Variants in ARHGAP8 observed in about 807,000 individuals in gnomAD.
The protein encoded by ARHGAP8 is Rho GTPase activating protein 8, also known as rho GTPase-activating protein 8.
ARHGAP8 carries 62 observed loss-of-function variants against 46.1 expected under a neutral mutation model. The ratio of observed to expected loss-of-function variants is 1.34; its 90% confidence interval spans 1.10 to 1.66. The LOEUF is 1.66. ARHGAP8 is among the 40% of genes most tolerant of loss of function. ARHGAP8 has a pLI of 0.00. For synonymous variants in ARHGAP8, 375 were observed against 243.1 expected (o/e 1.54, Z -5.05); for missense variants, 923 against 568.4 (o/e 1.62, Z -6.34).
chr22:44,805,844 C>T (rs1928884793), intron 3 of ARHGAP8, among the ~76,000 whole-genome samples: 1 of 152,232 alleles, frequency 6.6e-6, no homozygotes, highest in African/African-American at 2.4e-5. Flanking sequence ...TGGCCAGATG[C>T]ATGCTCCTAT....
chr22:44,796,586 C>T (rs35954352), intron 2 of ARHGAP8, among the ~76,000 whole-genome samples: 40,933 of 151,668 alleles, frequency 0.27, 6,453 homozygotes, highest in African/African-American at 0.44. Context: ...TCAATGGGGG[C>T]CCTGGATTTC....
At chr22:44,784,202 G>A (rs1295124568) in intron 1 of ARHGAP8, among the ~76,000 whole-genome samples, 1 of 152,096 alleles carries the variant, frequency 6.6e-6, no homozygotes, top group African/African-American at 2.4e-5. Flanking sequence ...CCAGGGGTTC[G>A]AGACCAGTCT....
At chr22:44,811,500 C>G (rs563111290) in intron 4 of ARHGAP8, among the ~76,000 whole-genome samples, 14 of 152,310 alleles carry the variant, frequency 9.2e-5, no homozygotes, top group African/African-American at 3.4e-4. Context: ...CAGCCGTGGC[C>G]TTCAAGGCAT....
intron 4 of ARHGAP8, among the ~76,000 whole-genome samples, chr22:44,811,590 C>T (rs1039550023): frequency 3.9e-5 from 6 of 152,130 alleles, no homozygotes; most frequent in East Asian, 1.9e-4. Flanking sequence ...TTAGGGTTAG[C>T]GTTACAGATC....
chr22:44,760,545 A>G (rs375767840), intron 1 of ARHGAP8, among the ~76,000 whole-genome samples: 10 of 152,198 alleles, frequency 6.6e-5, no homozygotes, highest in East Asian at 3.8e-4. Flanking sequence ...GCATTGTGCA[A>G]ATACCACAGC....
At chr22:44,790,177 C>A (rs9614934) in intron 2 of ARHGAP8, among the ~76,000 whole-genome samples, 17,321 of 152,020 alleles carry the variant, frequency 0.11, 1,228 homozygotes, top group African/African-American at 0.2. Context: ...ACGGCAGCTA[C>A]TGGAGTCAGG....
At chr22:44,787,376 C>G (rs1202284725) in intron 2 of ARHGAP8, among the ~76,000 whole-genome samples, 1 of 151,330 alleles carries the variant, frequency 6.6e-6, no homozygotes, top group Non-Finnish European at 1.5e-5. Flanking sequence ...GACAGGGTTT[C>G]GCTCTGTCGC....
intron 4 of ARHGAP8, among the ~76,000 whole-genome samples, chr22:44,812,974 C>G (rs2043332112): frequency 6.6e-6 from 1 of 152,096 alleles, no homozygotes; most frequent in Admixed American, 6.6e-5. Flanking sequence ...GTTTTAAGGA[C>G]TCCCAGGTCC....
At chr22:44,856,310 T>G (rs1011258724) in intron 10 of ARHGAP8, among the ~76,000 whole-genome samples, 18 of 130,704 alleles carry the variant, frequency 1.4e-4, no homozygotes, top group African/African-American at 5.1e-4. Context: ...CTCACTCTGT[T>G]GCCCAGGCCA....
chr22:44,861,694 C>G (rs1241440809), intron 11 of ARHGAP8, among the ~76,000 whole-genome samples: 1 of 152,206 alleles, frequency 6.6e-6, no homozygotes, highest in Admixed American at 6.5e-5. Context: ...CCCCCTGCCA[C>G]TGGCTGGCCA....
chr22:44,860,187 C>T (rs895164689), intron 11 of ARHGAP8, among the ~76,000 whole-genome samples: 2 of 152,104 alleles, frequency 1.3e-5, no homozygotes, highest in African/African-American at 4.8e-5. Flanking sequence ...GGTACAGAGC[C>T]CAGTGGACTG....
In ARHGAP8 at chr22:44,847,897, A is replaced by G. The variant is rs1304174464; in HGVS notation, c.671-76A>G. ...GCCACAGGTGGGTGATGCCGTGGGCAGGGGAGTGTCATATAATGTCCTGGA... is the reference window on the plus strand; with the variant it reads ...GCCACAGGTGGGTGATGCCGTGGGCGGGGGAGTGTCATATAATGTCCTGGA... On this transcript the variant is annotated intron_variant, in intron 8 of 11. Coordinates refer to ENST00000356099, the MANE Select transcript of ARHGAP8 (RefSeq NM_181335.3). 10 of 1,567,262 alleles carry G rather than the reference A, an allele frequency of 6.4e-6. No individual in the cohort carries two copies. The Admixed American group carries it at 8.5e-5, about 13-fold the overall frequency.
chr22:44,793,641 C>T (rs930518569), intron 2 of ARHGAP8, among the ~76,000 whole-genome samples: 1 of 152,150 alleles, frequency 6.6e-6, no homozygotes, highest in African/African-American at 2.4e-5. Context: ...CCCCACGCAC[C>T]CTGTGGGTAA....
chr22:44,766,454 C>G (rs1186722149), intron 1 of ARHGAP8, among the ~76,000 whole-genome samples: 2 of 151,340 alleles, frequency 1.3e-5, no homozygotes, highest in African/African-American at 2.4e-5. Context: ...ATATGTGTGT[C>G]TCTGTGTACG....
intron 10 of ARHGAP8, among the ~76,000 whole-genome samples, chr22:44,858,665 C>G (rs112936461): frequency 0.059 from 8,859 of 150,300 alleles, 362 homozygotes; most frequent in Non-Finnish European, 0.091. Flanking sequence ...GCCACTGTGC[C>G]TGGCTGGTTG....
chr22:44,825,365 G>A (rs1425575245), intron 6 of ARHGAP8, 118 bp from the exon 7 acceptor site: 25 of 1,029,984 alleles, frequency 2.4e-5, no homozygotes, highest in East Asian at 2.6e-5. Flanking sequence ...TGGCACGTGC[G>A]CCCAGAGGGA....
rs753268729 is a variant in ARHGAP8, at chr22:44,859,835, G to A, written c.981+1G>A. 30 of 1,613,286 alleles carry A rather than the reference G, an allele frequency of 1.9e-5. No homozygotes were observed. In the Admixed American group the frequency reaches 4.8e-4, roughly 26 times the overall value. Reference sequence around the variant, plus strand: ...CTACCTCATGGGCTTCCTGCATGCGGTGAGTGGGGAAGGGGGGAGCTTGGG... The same window carrying A: ...CTACCTCATGGGCTTCCTGCATGCGATGAGTGGGGAAGGGGGGAGCTTGGG... On this transcript the variant is annotated splice_donor_variant, in intron 11 of 11. Coordinates refer to ENST00000356099, the MANE Select transcript of ARHGAP8 (RefSeq NM_181335.3). LOFTEE classifies it high-confidence loss of function.
Position 44,862,695 on chromosome 22 carries a change from A to AAGGTTC in ARHGAP8, c.*100_*101insAGGTTC. 7.2e-7 allele frequency: 1 copy of AAGGTTC among 1,380,192 alleles called. No individual in the cohort carries two copies. The highest frequency in any genetic ancestry group is 9.6e-7 in the Non-Finnish European group (1 of 1,041,870). 85.5% of individuals were successfully genotyped at this position (1,380,192 alleles called of 1,614,324 possible). A position where few individuals can be genotyped will look rare whatever the true frequency, so the allele number is the denominator to read the frequency against. ...ATCTGTAAAAATAACCAGCCATTAG[A>AAGGTTC]TGAATTCAGAACCTTCTAATGAAAA... On this transcript the variant is annotated 3_prime_UTR_variant, in exon 12 of 12. Transcript: ENST00000356099.
At chr22:44,791,958 A>T (rs1419224672) in intron 2 of ARHGAP8, among the ~76,000 whole-genome samples, 1 of 152,040 alleles carries the variant, frequency 6.6e-6, no homozygotes, top group Non-Finnish European at 1.5e-5. Flanking sequence ...ATACAGAGAA[A>T]ATTATTACAG....
Sources: gnomAD v4.1 joint callset for allele counts (sites outside exome capture counted in the v4.1 genomes callset) on GRCh38, gnomAD v4.1.1 for gene constraint, MANE v1.5 for transcripts, NCBI Gene and HGNC (gene_info 2026-07-23, HGNC 2026-07-21) for gene names.